Variants in PLEKHG6 observed in about 807,000 individuals in gnomAD.
PLEKHG6 encodes the protein pleckstrin homology domain-containing family G member 6.
PLEKHG6 carries 91 observed loss-of-function variants against 97.5 expected under a neutral mutation model. The observed-to-expected ratio is 0.93, with a 90% CI of 0.79 to 1.11. The LOEUF (loss-of-function observed/expected upper bound fraction) is 1.11. PLEKHG6 is among the 50% of genes most tolerant of loss of function. PLEKHG6 has a pLI of 0.00. For synonymous variants in PLEKHG6, 466 were observed against 425.5 expected (o/e 1.10, Z -1.17); for missense variants, 1,044 against 1,031.0 (o/e 1.01, Z -0.17).
chr12:6,312,609 T>G (rs969348919), intron 2 of PLEKHG6: 1 of 1,299,156 alleles, frequency 7.7e-7, no homozygotes, highest in Admixed American at 4.1e-5. Flanking sequence ...CTCCGAGGAG[T>G]GCTGTTAGAC....
chr12:6,324,005 A>G (rs1947785300), intron 13 of PLEKHG6, among the ~76,000 whole-genome samples: 1 of 152,044 alleles, frequency 6.6e-6, no homozygotes, highest in Non-Finnish European at 1.5e-5. Context: ...GACAGCAGGG[A>G]AAGGAGGCAT....
intron 13 of PLEKHG6, among the ~76,000 whole-genome samples, chr12:6,320,530 G>A (rs1021412169): frequency 1.3e-5 from 2 of 152,014 alleles, no homozygotes; most frequent in Admixed American, 1.3e-4. Context: ...GTCTTCCCAT[G>A]GCCTTCCTCT....
chr12:6,315,203 C>G lies in PLEKHG6; in HGVS notation c.459+34C>G, dbSNP rs924450452. The G allele has an allele frequency of 1.3e-6, 2 of 1,587,864 alleles. No homozygotes were observed. Among genetic ancestry groups the G allele is most frequent in the African/African-American group, 1.3e-5 (1 of 74,174 alleles). On this transcript the variant is annotated intron_variant, in intron 4 of 15. Coordinates refer to ENST00000684764, the MANE Select transcript of PLEKHG6 (RefSeq NM_001384598.1). This position sits in a 1 kb window ranked among gnomAD's most constrained non-coding sequence, Gnocchi z 4.5. ...GAAACTCACAAGGTGAGTCTGTCCCCACGGCGTGAATGCACACACAGATTC... is the reference window on the plus strand; with the variant it reads ...GAAACTCACAAGGTGAGTCTGTCCCGACGGCGTGAATGCACACACAGATTC...
intron 13 of PLEKHG6, among the ~76,000 whole-genome samples, chr12:6,325,184 C>A (rs1298064765): frequency 6.6e-6 from 1 of 152,058 alleles, no homozygotes; most frequent in Non-Finnish European, 1.5e-5. Context: ...CCTCCCCCTC[C>A]CCCTCCCCAA....
At position 6,315,014 on chromosome 12, in the gene PLEKHG6, A is replaced by G; in HGVS notation, c.304A>G (p.Lys102Glu). ...LHSPKLKELTKAHELEVRLHT... is the reference protein window; with the variant it reads ...LHSPKLKELTEAHELEVRLHT... ...TTCTCGGCTCCCCCAGGAACTCACCAAGGCCCATGAGCTGGAGGTGAGGCT... is the reference window on the plus strand; with the variant it reads ...TTCTCGGCTCCCCCAGGAACTCACCGAGGCCCATGAGCTGGAGGTGAGGCT... Residue 102 changes from lysine to glutamate, a missense_variant, in exon 4 of 16, where the codon AAG becomes GAG. Physicochemically the swap from Lys to Glu is moderately conservative, Grantham distance 56. Transcript: ENST00000684764. This position sits in a 1 kb window ranked among gnomAD's most constrained non-coding sequence, Gnocchi z 4.5. 1 of 1,613,540 alleles carries G rather than the reference A, an allele frequency of 6.2e-7. No individual in the cohort carries two copies. The highest frequency in any genetic ancestry group is 8.5e-7 in the Non-Finnish European group (1 of 1,179,874).
At chr12:6,319,754 AGG>A (rs1420476149) in intron 13 of PLEKHG6, 27 of 1,331,724 alleles carry the variant, frequency 2.0e-5, no homozygotes, top group African/African-American at 7.4e-5. Flanking sequence ...TGAGTACGGC[AGG>A]CACTAGAGCT....
chr12:6,311,842 C>A (rs1038392651), intron 1 of PLEKHG6, among the ~76,000 whole-genome samples: 60 of 151,738 alleles, frequency 4.0e-4, no homozygotes, highest in African/African-American at 1.4e-3. Context: ...CTGGGTGTAT[C>A]CAGAAAGCCC....
intron 13 of PLEKHG6, among the ~76,000 whole-genome samples, chr12:6,321,938 C>T (rs2136771442): frequency 6.6e-6 from 1 of 152,202 alleles, no homozygotes; most frequent in African/African-American, 2.4e-5. Flanking sequence ...CCTACCAGGT[C>T]CTAGCCATGT....
At position 6,317,848 on chromosome 12, in the gene PLEKHG6, C is replaced by A; in HGVS notation, c.1018-9C>A. On this transcript the variant is annotated splice_polypyrimidine_tract_variant and intron_variant, in intron 9 of 15. Transcript: ENST00000684764. Reference sequence around the variant, plus strand: ...CCGTCCCTCCTCCCACACCCCCAACCCCACCTAGATTGAAGCCGTGGAGTC... The same window carrying A: ...CCGTCCCTCCTCCCACACCCCCAACACCACCTAGATTGAAGCCGTGGAGTC... 6.5e-7 allele frequency: 1 copy of A among 1,550,044 alleles called. No homozygotes were observed. The highest frequency in any genetic ancestry group is 1.2e-5 in the South Asian group (1 of 84,322).
Position 6,317,461 on chromosome 12 carries a change from C to CCGTCAGCTGGACG in PLEKHG6, c.867+48_867+49insCGTCAGCTGGACG, listed in dbSNP as rs756172771. The CCGTCAGCTGGACG allele has an allele frequency of 1.9e-6, 3 of 1,600,558 alleles. No individual in the cohort carries two copies. In the African/African-American group the frequency reaches 4.5e-5, roughly 24 times the overall value. On this transcript the variant is annotated intron_variant, in intron 8 of 15. Coordinates refer to ENST00000684764, the MANE Select transcript of PLEKHG6 (RefSeq NM_001384598.1). ...GGGGGACGGGTGCATCTTAGCCGGC[C>CCGTCAGCTGGACG]GGTCTCCAGCTGAGCCTGAGGCTGA...
At position 6,318,935 on chromosome 12, in the gene PLEKHG6, G is replaced by C; in HGVS notation, c.1408+58G>C. The C allele has an allele frequency of 1.2e-6, 2 of 1,612,466 alleles. 1 individual carries two copies. On this transcript the variant is annotated intron_variant, in intron 12 of 15. Transcript: ENST00000684764. Reference sequence around the variant, plus strand: ...CCCTCTTCTCAGCGAGGGGAAGGAGGAGCTGGGACGGAGATCAAATAAAGG... The same window carrying C: ...CCCTCTTCTCAGCGAGGGGAAGGAGCAGCTGGGACGGAGATCAAATAAAGG...
At chr12:6,326,653 T>G (rs1947868129) in intron 14 of PLEKHG6, 80 bp downstream of exon 14, 3 of 1,308,786 alleles carry the variant, frequency 2.3e-6, no homozygotes, top group Non-Finnish European at 3.0e-6. Context: ...TACTGCACAT[T>G]TTTGGTGGAA....
rs112922018 is a variant in PLEKHG6 at position 6,315,817 on chromosome 12, C to T, written c.556-52C>T. Reference sequence around the variant, plus strand: ...GAAGTTGGTGGGGGGTGGGAGGTGACGACACTGAAGGGCTGCGCTGGGTCC... The same window carrying T: ...GAAGTTGGTGGGGGGTGGGAGGTGATGACACTGAAGGGCTGCGCTGGGTCC... On this transcript the variant is annotated intron_variant, in intron 5 of 15. Transcript: ENST00000684764. This position sits in a 1 kb window ranked among gnomAD's most constrained non-coding sequence, Gnocchi z 4.5. 3,341 of 1,488,434 alleles carry T rather than the reference C, an allele frequency of 2.2e-3. 6 individuals are homozygous for T. The highest frequency in any genetic ancestry group is 2.8e-3 in the Non-Finnish European group (3,122 of 1,096,690). 92.2% of individuals were successfully genotyped at this position (1,488,434 alleles called of 1,614,324 possible). A position where few individuals can be genotyped will look rare whatever the true frequency, so the allele number is the denominator to read the frequency against.
At position 6,328,230 on chromosome 12, in the gene PLEKHG6, C is replaced by G. The variant is rs2136806400; in HGVS notation, c.*85C>G. 1 of 1,378,930 alleles carries G rather than the reference C, an allele frequency of 7.3e-7. No homozygotes were observed. The highest frequency in any genetic ancestry group is 1.0e-6 in the Non-Finnish European group (1 of 970,286). 85.4% of individuals were successfully genotyped at this position (1,378,930 alleles called of 1,614,324 possible). The stretch of plus-strand genomic sequence containing the variant: ...TGGTCACCCTCCGGCATCTGTGACT[C>G]TACCTCAAGGACCACATTTCCCAAA... On this transcript the variant is annotated 3_prime_UTR_variant, in exon 16 of 16. Coordinates refer to ENST00000684764, the MANE Select transcript of PLEKHG6 (RefSeq NM_001384598.1).
Position 6,319,093 on chromosome 12 carries a change from G to A in PLEKHG6, c.1509G>A (p.Lys503=). The change falls in exon 13 of 16, where the codon AAG becomes AAA. Residue 503 remains lysine (K), a synonymous_variant. Transcript: ENST00000684764. ...CAGACCGTGCCCAGTGGCTGGAGAA[G>A]ACCCAGCAGGCCCAGGTATGGGAAA... The part of the protein sequence containing the change: ...SPTDRAQWLE[K]TQQAQAALQK... 6.2e-7 allele frequency: 1 copy of A among 1,606,230 alleles called. No individual in the cohort carries two copies. The highest frequency in any genetic ancestry group is 8.5e-7 in the Non-Finnish European group (1 of 1,173,952).
At position 6,318,827 on chromosome 12, in the gene PLEKHG6, G is replaced by T; in HGVS notation, c.1358G>T (p.Arg453Leu). 1 of 1,614,162 alleles carries T rather than the reference G, an allele frequency of 6.2e-7. No individual in the cohort carries two copies. The highest frequency in any genetic ancestry group is 1.3e-5 in the African/African-American group (1 of 75,024). Residue 453 changes from arginine to leucine, a missense_variant, in exon 12 of 16, where the codon CGA becomes CTA. Coordinates refer to ENST00000684764, the MANE Select transcript of PLEKHG6 (RefSeq NM_001384598.1). ...QRKADKAKVIRPPLMLEKLVC... is the reference protein window; with the variant it reads ...QRKADKAKVILPPLMLEKLVC... ...AAGGCGGACAAAGCCAAGGTCATCC[G>T]ACCCCCTCTCATGCTGGAGAAGCTC...
intron 1 of PLEKHG6, chr12:6,311,088 GAGGA>G (rs1180683011): frequency 6.6e-6 from 1 of 152,428 alleles, no homozygotes; most frequent in African/African-American, 2.4e-5. Flanking sequence ...TCCTGAATCG[GAGGA>G]AGGTAAGGGA....
At position 6,326,563 on chromosome 12, in the gene PLEKHG6, G is replaced by A. The variant is rs776513105; in HGVS notation, c.1660G>A (p.Ala554Thr). 12 of 1,528,022 alleles carry A rather than the reference G, an allele frequency of 7.9e-6. No homozygotes were observed. Among genetic ancestry groups the A allele is most frequent in the African/African-American group, 1.4e-5 (1 of 69,718 alleles). The allele number at this position is 1,528,022 out of a possible 1,614,324, so 94.7% of individuals were successfully genotyped here. ...TTCCCTGGAGGGCTCTCAGAGCAGC[G>A]CAGAGGGGAGGTAAGGCTCACACGG... ...TPSLEGSQSSAEGRTPEFSTI... is the reference protein window; with the variant it reads ...TPSLEGSQSSTEGRTPEFSTI... The change falls in exon 14 of 16, where the codon GCA becomes ACA. Residue 554 changes from alanine to threonine, a missense_variant. Physicochemically the swap from Ala to Thr is moderately conservative, Grantham distance 58 (BLOSUM62 0). Coordinates refer to ENST00000684764, the MANE Select transcript of PLEKHG6 (RefSeq NM_001384598.1).
At position 6,315,858 on chromosome 12, in the gene PLEKHG6, C is replaced by T; in HGVS notation, c.556-11C>T. 6.4e-7 allele frequency: 1 copy of T among 1,557,228 alleles called. No homozygotes were observed. Among genetic ancestry groups the T allele is most frequent in the Non-Finnish European group, 8.7e-7 (1 of 1,150,082 alleles). On this transcript the variant is annotated splice_polypyrimidine_tract_variant and intron_variant, in intron 5 of 15. Coordinates refer to ENST00000684764, the MANE Select transcript of PLEKHG6 (RefSeq NM_001384598.1). The surrounding 1 kb of genome is among the most constrained non-coding windows in gnomAD (Gnocchi z 4.5). The stretch of plus-strand genomic sequence containing the variant: ...CGCTGGGTCCTGAGACCCTCGTCTC[C>T]CTCCCTGCAGCTGCTAGCCGCCGGC...
Sources: gnomAD v4.1 joint callset for allele counts (sites outside exome capture counted in the v4.1 genomes callset) on GRCh38, gnomAD v4.1.1 for gene constraint, Gnocchi (gnomAD v3.1) non-coding constraint, MANE v1.5 for transcripts, NCBI Gene and HGNC (gene_info 2026-07-23, HGNC 2026-07-21) for gene names.